Variants in TAFA2 observed in about 807,000 individuals in gnomAD.
TAFA2 encodes the protein TAFA chemokine like family member 2.
A neutral mutation model predicts 18.8 loss-of-function variants in TAFA2; 7 were observed. The observed-to-expected ratio is 0.37, with a 90% CI of 0.21 to 0.70. The LOEUF (loss-of-function observed/expected upper bound fraction) is 0.70. TAFA2 is among the 30% of genes least tolerant of loss of function. The pLI is 0.53. For synonymous variants in TAFA2, 60 were observed against 54.2 expected, an observed-to-expected ratio of 1.11 and a Z score of -0.47; for missense variants, 122 against 158.1, an observed-to-expected ratio of 0.77 and a Z score of 1.23.
At chr12:61,877,944 CATAT>C (rs1165546942) in intron 1 of TAFA2, 2 of 382,706 alleles carry the variant, frequency 5.2e-6, no homozygotes, top group African/African-American at 2.1e-5. Context: ...CACACACATA[CATAT>C]ACATATATAT....
intron 4 of TAFA2, among the ~76,000 whole-genome samples, chr12:61,724,776 T>TACACCA (rs1249292642): frequency 3.6e-5 from 4 of 110,526 alleles, no homozygotes; most frequent in Non-Finnish European, 7.7e-5. Flanking sequence ...TGTGTGTGTG[T>TACACCA]GTGTGTGTGT....
At chr12:62,180,567 A>AT (rs1491425895) in intron 1 of TAFA2, among the ~76,000 whole-genome samples, 3 of 152,182 alleles carry the variant, frequency 2.0e-5, no homozygotes, top group Non-Finnish European at 4.4e-5. Context: ...TTTATTAAAC[A>AT]TATGTGTTTT....
intron 2 of TAFA2, among the ~76,000 whole-genome samples, chr12:61,769,253 T>C (rs1203318753): frequency 6.6e-6 from 1 of 151,930 alleles, no homozygotes; most frequent in African/African-American, 2.4e-5. Context: ...GGTCTTTCTC[T>C]ACCCACCCCG....
intron 4 of TAFA2, among the ~76,000 whole-genome samples, chr12:61,729,536 G>T (rs1358734332): frequency 6.6e-6 from 1 of 151,564 alleles, no homozygotes; most frequent in African/African-American, 2.4e-5. Flanking sequence ...AGTGTATTTT[G>T]CATTTTTCTA....
rs186912672 is a variant in TAFA2 at position 62,160,259 on chromosome 12, C to G, written c.-2+31000G>C. ...CATGATCCCAAAAAATGATTAGGTA[C>G]AAGAAAAATCCAATGTGTCTATGAG... On this transcript the variant is annotated intron_variant, in intron 1 of 4. Transcript: ENST00000416284. 1.4e-3 allele frequency among the ~76,000 whole-genome samples: 218 copies of G among 152,276 alleles called. 3 individuals are homozygous for G. Among genetic ancestry groups the G allele is most frequent in the Admixed American group, 0.012 (185 of 15,290 alleles).
upstream of TAFA2, among the ~76,000 whole-genome samples, chr12:62,194,322 C>T (rs967981309): frequency 4.0e-3 from 19 of 4,782 alleles, no homozygotes; most frequent in Admixed American, 0.014. Context: ...CACACACACA[C>T]ACACATACAA....
chr12:62,126,624 G>C (rs1204413503), intron 1 of TAFA2, among the ~76,000 whole-genome samples: 1 of 152,046 alleles, frequency 6.6e-6, no homozygotes, highest in African/African-American at 2.4e-5. Context: ...GAAGGGGAAA[G>C]TTGATATTCC....
At chr12:61,718,675 A>G (rs1284633353) in intron 4 of TAFA2, among the ~76,000 whole-genome samples, 1 of 152,190 alleles carries the variant, frequency 6.6e-6, no homozygotes, top group African/African-American at 2.4e-5. Context: ...ATTTTTACAG[A>G]CAGTTGAAAT....
chr12:61,952,274 C>A (rs1024681860), intron 1 of TAFA2, among the ~76,000 whole-genome samples: 9 of 152,028 alleles, frequency 5.9e-5, no homozygotes, highest in Admixed American at 5.9e-4. Flanking sequence ...TCAGTGTTTT[C>A]TTTAATTATT....
At chr12:61,738,196 A>G (rs562294851) in intron 4 of TAFA2, among the ~76,000 whole-genome samples, 1 of 151,998 alleles carries the variant, frequency 6.6e-6, no homozygotes, top group African/African-American at 2.4e-5. Flanking sequence ...AGCATTCAAT[A>G]AACAAGTCTT....
At chr12:62,006,023 CTATGAA>C (rs1280062376) in intron 1 of TAFA2, among the ~76,000 whole-genome samples, 2 of 152,124 alleles carry the variant, frequency 1.3e-5, no homozygotes, top group Non-Finnish European at 2.9e-5. Context: ...TTTTATAATA[CTATGAA>C]GACTCATAGC....
intron 2 of TAFA2, among the ~76,000 whole-genome samples, chr12:61,863,774 A>C (rs1221990730): frequency 2.0e-5 from 3 of 152,154 alleles, no homozygotes; most frequent in African/African-American, 7.2e-5. Context: ...CACAGTTCAC[A>C]GGTGCCCCCT....
chr12:61,850,081 A>G (rs1208825199), intron 2 of TAFA2, among the ~76,000 whole-genome samples: 1 of 152,142 alleles, frequency 6.6e-6, no homozygotes, highest in Non-Finnish European at 1.5e-5. Context: ...ACTGGTTCAT[A>G]AAAGGTGAAA....
intron 1 of TAFA2, among the ~76,000 whole-genome samples, chr12:62,094,369 A>G (rs1419728223): frequency 6.6e-6 from 1 of 152,006 alleles, no homozygotes; most frequent in African/African-American, 2.4e-5. Context: ...ACAAAAGACT[A>G]CACATTGGGT....
chr12:61,889,881 C>T (rs1293373817), intron 1 of TAFA2, among the ~76,000 whole-genome samples: 1 of 152,202 alleles, frequency 6.6e-6, no homozygotes, highest in Non-Finnish European at 1.5e-5. Context: ...TTATCCACTT[C>T]CCCATCAACC....
At chr12:61,729,196 C>T (rs141133963) in intron 4 of TAFA2, among the ~76,000 whole-genome samples, 49 of 152,124 alleles carry the variant, frequency 3.2e-4, no homozygotes, top group Non-Finnish European at 4.1e-4. Flanking sequence ...AACCTGATGA[C>T]TATGTGACTA....
At chr12:62,219,067 A>G (rs1223003837) in intron 1 of TAFA2, among the ~76,000 whole-genome samples, 1 of 152,186 alleles carries the variant, frequency 6.6e-6, no homozygotes, top group African/African-American at 2.4e-5. Context: ...CAGGGAGAAT[A>G]TAGCAAAAGA....
At chr12:62,072,578 C>G (rs1432714548) in intron 1 of TAFA2, among the ~76,000 whole-genome samples, 1 of 151,916 alleles carries the variant, frequency 6.6e-6, no homozygotes, top group African/African-American at 2.4e-5. Context: ...CCCAGGAGTT[C>G]AAGACCAACC....
chr12:62,092,808 AT>A (rs1868776031), intron 1 of TAFA2, among the ~76,000 whole-genome samples: 1 of 152,024 alleles, frequency 6.6e-6, no homozygotes, highest in South Asian at 2.1e-4. Context: ...CAAAGGAAAT[AT>A]TCTATCAAGG....
Sources: gnomAD v4.1 joint callset for allele counts (sites outside exome capture counted in the v4.1 genomes callset) on GRCh38, gnomAD v4.1.1 for gene constraint, MANE v1.5 for transcripts, NCBI Gene and HGNC (gene_info 2026-07-23, HGNC 2026-07-21) for gene names.